MIR2052HG: variants seen among roughly 807,000 people sequenced by gnomAD.
MIR2052HG encodes the protein MIR2052 host gene.
intron 1 of MIR2052HG, chr8:74,603,401 C>T (rs1808054918): frequency 1.9e-6 from 3 of 1,610,496 alleles, no homozygotes; most frequent in African/African-American, 2.7e-5. Context: ...TCAGTAGATC[C>T]TTCCACTGGG....
At chr8:74,756,068 C>T (rs1356831354) in intron 5 of MIR2052HG, among the ~76,000 whole-genome samples, 1 of 152,156 alleles carries the variant, frequency 6.6e-6, no homozygotes, top group African/African-American at 2.4e-5. Context: ...ACTGACTATA[C>T]GTTTTGGGGT....
intron 4 of MIR2052HG, among the ~76,000 whole-genome samples, chr8:74,720,470 A>G (rs1396743573): frequency 6.6e-6 from 1 of 152,200 alleles, no homozygotes; most frequent in Admixed American, 6.5e-5. Context: ...AGTGGTAAAT[A>G]TACCATGGAA....
At chr8:74,742,186 C>A (rs951226465) in intron 4 of MIR2052HG, among the ~76,000 whole-genome samples, 1 of 152,168 alleles carries the variant, frequency 6.6e-6, no homozygotes, top group Non-Finnish European at 1.5e-5. Flanking sequence ...GAACTAAATA[C>A]AAGATCACAA....
chr8:74,702,789 C>T (rs1418404664), intron 3 of MIR2052HG, among the ~76,000 whole-genome samples: 8 of 152,080 alleles, frequency 5.3e-5, no homozygotes, highest in Admixed American at 4.6e-4. Context: ...TGGATTAAAA[C>T]ATGGCCCATG....
intron 1 of MIR2052HG, among the ~76,000 whole-genome samples, chr8:74,605,809 C>T (rs1808102266): frequency 6.7e-6 from 1 of 148,758 alleles, no homozygotes; most frequent in African/African-American, 2.5e-5. Context: ...TATAAACGAC[C>T]TTCTAATTGT....
At chr8:74,716,159 C>T (rs1219692048) in intron 4 of MIR2052HG, among the ~76,000 whole-genome samples, 1 of 152,116 alleles carries the variant, frequency 6.6e-6, no homozygotes, top group East Asian at 1.9e-4. Flanking sequence ...ATGAGTGCCA[C>T]CTGAACAGTG....
At chr8:74,754,335 G>A (rs549809248) in intron 5 of MIR2052HG, among the ~76,000 whole-genome samples, 91 of 152,250 alleles carry the variant, frequency 6.0e-4, no homozygotes, top group Non-Finnish European at 8.8e-4. Context: ...TTTCATGCTC[G>A]GTGAAATTTT....
chr8:74,602,861 C>CTTTCT (rs1808035649), intron 1 of MIR2052HG, among the ~76,000 whole-genome samples: 9 of 144,390 alleles, frequency 6.2e-5, no homozygotes, highest in East Asian at 2.0e-4. Flanking sequence ...TTCTTTCTTT[C>CTTTCT]TTTCTTTCTT....
intron 2 of MIR2052HG, among the ~76,000 whole-genome samples, chr8:74,673,951 G>A (rs9657105): frequency 0.24 from 33,175 of 139,852 alleles, 4,904 homozygotes; most frequent in East Asian, 0.65. Context: ...ACTGCTCCTT[G>A]CAGAGCAGGG....
At chr8:74,671,652 A>G (rs1324049590) in intron 2 of MIR2052HG, among the ~76,000 whole-genome samples, 1 of 152,176 alleles carries the variant, frequency 6.6e-6, no homozygotes, top group East Asian at 1.9e-4. Context: ...ACTGGTAACA[A>G]TGTGTGGACT....
intron 4 of MIR2052HG, among the ~76,000 whole-genome samples, chr8:74,746,567 A>AGTGT (rs72103010): frequency 0.052 from 7,615 of 147,566 alleles, 277 homozygotes; most frequent in Admixed American, 0.085. Flanking sequence ...GAGGAGAAGA[A>AGTGT]GTGTGTGTGT....
intron 2 of MIR2052HG, among the ~76,000 whole-genome samples, chr8:74,633,580 T>C (rs890926021): frequency 6.6e-6 from 1 of 152,242 alleles, no homozygotes; most frequent in African/African-American, 2.4e-5. Flanking sequence ...ATTTCTAGCA[T>C]TGTCATGTCA....
At chr8:74,631,630 A>C (rs559747557) in intron 2 of MIR2052HG, among the ~76,000 whole-genome samples, 1 of 152,296 alleles carries the variant, frequency 6.6e-6, no homozygotes, top group East Asian at 1.9e-4. Context: ...GACCAGTAGT[A>C]ATAACTTCTC....
At chr8:74,607,455 T>C (rs770220774) in intron 1 of MIR2052HG, among the ~76,000 whole-genome samples, 1 of 151,948 alleles carries the variant, frequency 6.6e-6, no homozygotes, top group Non-Finnish European at 1.5e-5. Flanking sequence ...CTACTAAAAA[T>C]ACAAAAATTA....
At chr8:74,704,457 G>C (rs1246647229) in intron 4 of MIR2052HG, among the ~76,000 whole-genome samples, 1 of 152,030 alleles carries the variant, frequency 6.6e-6, no homozygotes, top group Non-Finnish European at 1.5e-5. Context: ...CAGGAGGGTA[G>C]TAGTCATCTG....
intron 2 of MIR2052HG, among the ~76,000 whole-genome samples, chr8:74,685,481 T>C (rs1258335940): frequency 6.6e-6 from 1 of 152,130 alleles, no homozygotes. Flanking sequence ...TTCACAACCA[T>C]GTGTGGTTGG....
intron 1 of MIR2052HG, among the ~76,000 whole-genome samples, chr8:74,608,428 A>G (rs1374071073): frequency 6.6e-6 from 1 of 152,218 alleles, no homozygotes; most frequent in African/African-American, 2.4e-5. Flanking sequence ...AACATCTATA[A>G]GAATATTGAA....
At chr8:74,623,154 C>T (rs2128732965) in intron 2 of MIR2052HG, among the ~76,000 whole-genome samples, 1 of 152,162 alleles carries the variant, frequency 6.6e-6, no homozygotes, top group Non-Finnish European at 1.5e-5. Context: ...GTTCTCATCA[C>T]AAAAAAGATA....
chr8:74,705,413 T>C (rs1298320995), intron 4 of MIR2052HG, among the ~76,000 whole-genome samples: 1 of 152,012 alleles, frequency 6.6e-6, no homozygotes, highest in Non-Finnish European at 1.5e-5. Context: ...TTGAACTGGA[T>C]GTAAAAGTCA....
Sources: allele counts gnomAD v4.1 joint callset (sites outside exome capture counted in the v4.1 genomes callset), GRCh38; gene constraint gnomAD v4.1.1; transcripts MANE v1.5; gene names NCBI Gene and HGNC (gene_info 2026-07-23, HGNC 2026-07-21).